Variants in MPP7 observed in about 807,000 individuals in gnomAD.
MPP7 encodes MAGUK p55 scaffold protein 7, also known as MAGUK p55 subfamily member 7.
A neutral mutation model predicts 76.5 loss-of-function variants in MPP7; 60 were observed. The ratio of observed to expected loss-of-function variants is 0.78; its 90% CI spans 0.64 to 0.97. The LOEUF is 0.97. MPP7 is among the 50% of genes least tolerant of loss of function. The probability of loss-of-function intolerance (pLI) is 0.00; values close to 1 mark genes in which losing one functional copy is unlikely to be tolerated. For synonymous variants in MPP7, 237 were observed against 244.5 expected, an observed-to-expected ratio of 0.97 and a Z score of 0.29; for missense variants, 641 against 694.0, an observed-to-expected ratio of 0.92 and a Z score of 0.86.
intron 1 of MPP7, among the ~76,000 whole-genome samples, chr10:28,280,296 T>C (rs550712604): frequency 5.6e-4 from 85 of 152,174 alleles, no homozygotes; most frequent in Admixed American, 9.8e-4. Flanking sequence ...GCCCCTGATA[T>C]AAAATAACCC....
intron 1 of MPP7, among the ~76,000 whole-genome samples, chr10:28,243,091 AC>A (rs1489138495): frequency 6.6e-6 from 1 of 151,644 alleles, no homozygotes; most frequent in African/African-American, 2.4e-5. Context: ...TTTTTTTTTA[AC>A]TTAAAAGAAC....
At chr10:28,090,516 T>C (rs1372043794) in intron 11 of MPP7, among the ~76,000 whole-genome samples, 2 of 152,184 alleles carry the variant, frequency 1.3e-5, no homozygotes, top group African/African-American at 2.4e-5. Context: ...TTAAAAACAC[T>C]GTAAAAGCAT....
chr10:28,277,223 T>C (rs1272830679), intron 1 of MPP7, among the ~76,000 whole-genome samples: 1 of 151,778 alleles, frequency 6.6e-6, no homozygotes, highest in Non-Finnish European at 1.5e-5. Context: ...TACAACCCTA[T>C]CATCTAAATA....
chr10:28,295,807 C>G (rs78928659), intron 1 of MPP7, among the ~76,000 whole-genome samples: 2,297 of 152,360 alleles, frequency 0.015, 38 homozygotes, highest in East Asian at 0.071. Context: ...GACCGGGAGA[C>G]TTTTCTCCCC....
At chr10:28,262,624 C>T (rs1840028566) in intron 1 of MPP7, among the ~76,000 whole-genome samples, 1 of 152,050 alleles carries the variant, frequency 6.6e-6, no homozygotes, top group Admixed American at 6.6e-5. Flanking sequence ...CCTTTCTTTC[C>T]TAAGAAACAT....
In MPP7 at chr10:28,272,090, T is replaced by C. The variant is rs1025561377; in HGVS notation, c.-132+30771A>G. On this transcript the variant is annotated intron_variant, in intron 1 of 16. Coordinates refer to ENST00000683449, the MANE Select transcript of MPP7 (RefSeq NM_001318170.2). ...GAAGACAAGGTTCAATATTCTCCTC[T>C]GAAAATGAGGCAGACTAATGAATGA... is the stretch of plus-strand genomic sequence containing the variant. 9.2e-5 allele frequency among the ~76,000 whole-genome samples: 14 copies of C among 152,324 alleles called. No individual in the cohort carries two copies. In the East Asian group the frequency reaches 2.5e-3, roughly 27 times the overall value.
At chr10:28,283,740 C>G (rs1246038885) in intron 1 of MPP7, among the ~76,000 whole-genome samples, 1 of 152,140 alleles carries the variant, frequency 6.6e-6, no homozygotes, top group Non-Finnish European at 1.5e-5. Flanking sequence ...GTCTCAAACT[C>G]CTGACCTCAA....
At chr10:28,133,770 C>G (rs556363676) in intron 5 of MPP7, among the ~76,000 whole-genome samples, 1 of 152,202 alleles carries the variant, frequency 6.6e-6, no homozygotes, top group South Asian at 2.1e-4. Context: ...TCCATACCCC[C>G]CAAAGTGGCG....
At chr10:28,300,209 C>G (rs10763657) in intron 1 of MPP7, among the ~76,000 whole-genome samples, 32,734 of 151,948 alleles carry the variant, frequency 0.22, 3,968 homozygotes, top group East Asian at 0.5. Flanking sequence ...CCAGTAAGCG[C>G]CCCCCAGTGC....
chr10:28,138,734 A>G (rs1244629012), intron 5 of MPP7, among the ~76,000 whole-genome samples: 2 of 152,246 alleles, frequency 1.3e-5, no homozygotes, highest in African/African-American at 4.8e-5. Flanking sequence ...TAAAATGAAC[A>G]AAATCACAAT....
chr10:28,239,151 A>AT (rs201574540), intron 1 of MPP7, among the ~76,000 whole-genome samples: 19,252 of 145,976 alleles, frequency 0.13, 1,290 homozygotes, highest in Non-Finnish European at 0.15. Context: ...TTTTATTTTT[A>AT]TTTTTTTTTT....
intron 3 of MPP7, among the ~76,000 whole-genome samples, chr10:28,156,026 G>A (rs1316831922): frequency 1.3e-5 from 2 of 152,056 alleles, no homozygotes; most frequent in African/African-American, 4.8e-5. Flanking sequence ...TATCTCCATA[G>A]AGAAAAGGAA....
intron 2 of MPP7, among the ~76,000 whole-genome samples, chr10:28,318,993 G>A (rs1324710048): frequency 6.6e-6 from 1 of 152,152 alleles, no homozygotes; most frequent in Non-Finnish European, 1.5e-5. Flanking sequence ...GTTTGTATTA[G>A]TCTGTTCTTA....
intron 1 of MPP7, among the ~76,000 whole-genome samples, chr10:28,249,965 G>T (rs1259343905): frequency 1.3e-5 from 2 of 150,138 alleles, no homozygotes; most frequent in Non-Finnish European, 3.0e-5. Flanking sequence ...TCAACATTTT[G>T]ATTTAAAATG....
intron 1 of MPP7, among the ~76,000 whole-genome samples, chr10:28,265,196 T>C (rs925980473): frequency 6.6e-6 from 1 of 152,114 alleles, no homozygotes; most frequent in Non-Finnish European, 1.5e-5. Flanking sequence ...AGGTTAAAGA[T>C]GCAAAAACGA....
At chr10:28,170,896 T>C (rs976484975) in intron 3 of MPP7, among the ~76,000 whole-genome samples, 7 of 152,200 alleles carry the variant, frequency 4.6e-5, no homozygotes, top group Non-Finnish European at 8.8e-5. Context: ...GTTACAATTA[T>C]AGAAAAGTAT....
intron 12 of MPP7, among the ~76,000 whole-genome samples, chr10:28,076,401 A>G (rs73606043): frequency 0.042 from 6,390 of 152,278 alleles, 439 homozygotes; most frequent in African/African-American, 0.14. Flanking sequence ...AAGGTTCAAA[A>G]AGTATTCAGA....
intron 3 of MPP7, 54 bp downstream of exon 3, chr10:28,202,099 A>G (rs1005868394): frequency 1.1e-5 from 14 of 1,285,516 alleles, no homozygotes; most frequent in Non-Finnish European, 1.1e-6. Context: ...GTGGTGCCCC[A>G]AATATTTTTC....
chr10:28,283,097 T>G lies in MPP7; in HGVS notation c.-132+19764A>C, dbSNP rs193042944. On this transcript the variant is annotated intron_variant, in intron 1 of 16. Coordinates refer to ENST00000683449, the MANE Select transcript of MPP7 (RefSeq NM_001318170.2). ...TCTTCTCCTGGGAAGAGGTGCACGT[T>G]GGTGGAGTAACTTAAGGCACTGGCC... 2.4e-4 allele frequency among the ~76,000 whole-genome samples: 36 copies of G among 152,134 alleles called. No individual in the cohort carries two copies. The East Asian group carries it at 4.8e-3, about 20-fold the overall frequency.
Sources: allele counts gnomAD v4.1 joint callset (sites outside exome capture counted in the v4.1 genomes callset), GRCh38; gene constraint gnomAD v4.1.1; transcripts MANE v1.5; gene names NCBI Gene and HGNC (gene_info 2026-07-23, HGNC 2026-07-21).